Variants in ZBED6 observed in about 807,000 individuals in gnomAD.
The protein encoded by ZBED6 is zinc finger BED-type containing 6, also known as zinc finger BED domain-containing protein 6.
A neutral mutation model predicts 58.4 loss-of-function variants in ZBED6; 40 were observed. The ratio of observed to expected loss-of-function variants is 0.68; its 90% CI spans 0.53 to 0.89. The LOEUF (loss-of-function observed/expected upper bound fraction) is 0.89. Among genes scored for constraint, ZBED6 ranks in the 40% least tolerant of loss-of-function variants. The probability of loss-of-function intolerance (pLI) is 0.00; values close to 1 mark genes in which losing one functional copy is unlikely to be tolerated. For synonymous variants in ZBED6, 439 were observed against 350.6 expected, an observed-to-expected ratio of 1.25 and a Z score of -2.82; for missense variants, 1,057 against 1,003.9, an observed-to-expected ratio of 1.05 and a Z score of -0.71.
exon 1 of ZBED6, chr1:203,802,031 C>A (rs1345770772): frequency 2.0e-5 from 3 of 152,522 alleles, no homozygotes; most frequent in Non-Finnish European, 2.9e-5. Context: ...GGTGTTGATA[C>A]AAAATAAGAA....
chr1:203,796,709 G>C, exon 1 of ZBED6: 1 of 361,422 alleles, frequency 2.8e-6, no homozygotes, highest in Non-Finnish European at 4.9e-6. Context: ...CAACTTGTGA[G>C]TTACTTACAG....
intron 3 of ZBED6, among the ~76,000 whole-genome samples, chr1:203,823,742 C>T (rs1188756774): frequency 6.6e-6 from 1 of 152,148 alleles, no homozygotes; most frequent in Non-Finnish European, 1.5e-5. Flanking sequence ...TAGGTATTTA[C>T]CTGCAAAATA....
intron 1 of ZBED6, chr1:203,806,040 C>G: frequency 1.9e-6 from 1 of 535,712 alleles, no homozygotes; most frequent in Non-Finnish European, 3.6e-6. Flanking sequence ...TGTCCTGCTG[C>G]TGCTCATACA....
At position 203,799,912 on chromosome 1, in the gene ZBED6, A is replaced by C. The variant is rs867176340; in HGVS notation, c.2390A>C (p.Glu797Ala). Residue 797 changes from glutamate (E) to alanine (A), a missense_variant, in exon 1 of 17, where the codon GAA becomes GCA. Transcript: ENST00000550078. ...GAAACTTATAAGCAGTTCCTTGCAG[A>C]AGAGGTCTGTAATTATATGGAATCT... 34 of 1,536,010 alleles carry C rather than the reference A, an allele frequency of 2.2e-5. 1 individual carries two copies. In the African/African-American group the frequency reaches 3.7e-4, roughly 17 times the overall value.
chr1:203,849,750 C>G, exon 14 of ZBED6: 2 of 1,613,898 alleles, frequency 1.2e-6, no homozygotes, highest in Non-Finnish European at 1.7e-6. Context: ...CACTAAAATT[C>G]AAGTCAAGAG....
intron 8 of ZBED6, among the ~76,000 whole-genome samples, 155 bp from the exon 9 acceptor site, chr1:203,833,636 T>TTTTTTTTG (rs59117283): frequency 2.2e-5 from 3 of 134,350 alleles, no homozygotes; most frequent in Non-Finnish European, 4.9e-5. Flanking sequence ...TTTTTTTTTT[T>TTTTTTTTG]GATATAATGG....
chr1:203,821,299 G>A (rs1407020622), intron 3 of ZBED6, among the ~76,000 whole-genome samples: 1 of 152,042 alleles, frequency 6.6e-6, no homozygotes, highest in Non-Finnish European at 1.5e-5. Context: ...GCAGAACTGT[G>A]AGTTAGTTAA....
At chr1:203,798,207 G>T (rs983858035) in exon 1 of ZBED6, 4 of 1,535,990 alleles carry the variant, frequency 2.6e-6, no homozygotes, top group African/African-American at 2.7e-5. Flanking sequence ...TAATAGAATG[G>T]GCAAGAAGCA....
intron 9 of ZBED6, chr1:203,834,196 T>A: frequency 2.0e-6 from 1 of 508,762 alleles, no homozygotes; most frequent in Non-Finnish European, 2.6e-6. Flanking sequence ...TCTCTTAGAA[T>A]ACAGGAATCC....
At chr1:203,839,016 T>C (rs1685256509) in intron 10 of ZBED6, among the ~76,000 whole-genome samples, 1 of 148,576 alleles carries the variant, frequency 6.7e-6, no homozygotes, top group Non-Finnish European at 1.5e-5. Flanking sequence ...CAGGCTCAAA[T>C]GTGCATTTTA....
intron 3 of ZBED6, among the ~76,000 whole-genome samples, chr1:203,820,899 T>G (rs1350707902): frequency 6.6e-6 from 1 of 152,202 alleles, no homozygotes; most frequent in Admixed American, 6.5e-5. Flanking sequence ...ATAAAGGCTT[T>G]CTTTTTGTAA....
intron 13 of ZBED6, 35 bp downstream of exon 13, chr1:203,848,442 G>A (rs747180755): frequency 2.0e-6 from 3 of 1,509,668 alleles, no homozygotes; most frequent in East Asian, 2.3e-5. Context: ...TTTGTTCATG[G>A]CAAACAAAGG....
chr1:203,829,324 A>C, intron 4 of ZBED6, 127 bp from the exon 5 acceptor site: 1 of 944,638 alleles, frequency 1.1e-6, no homozygotes. Flanking sequence ...TTAGAACTTA[A>C]ATGAGGAAAT....
At chr1:203,804,053 A>G (rs1260376503) in intron 1 of ZBED6, among the ~76,000 whole-genome samples, 2 of 151,844 alleles carry the variant, frequency 1.3e-5, no homozygotes, top group African/African-American at 4.8e-5. Context: ...TTTATTCATT[A>G]TCCAGGTCTT....
At chr1:203,829,808 C>CA in exon 6 of ZBED6, 1 of 1,613,948 alleles carries the variant, frequency 6.2e-7, no homozygotes, top group Admixed American at 1.7e-5. Context: ...GTGATGAAAC[C>CA]AAAACACCTA....
At chr1:203,801,782 T>C (rs1670603672) in exon 1 of ZBED6, 1 of 151,640 alleles carries the variant, frequency 6.6e-6, no homozygotes, top group South Asian at 2.1e-4. Flanking sequence ...TAGAACTCAT[T>C]TCTATGTATC....
chr1:203,819,660 G>A (rs1175087656), intron 3 of ZBED6, among the ~76,000 whole-genome samples: 19 of 148,628 alleles, frequency 1.3e-4, no homozygotes, highest in Admixed American at 8.8e-4. Flanking sequence ...TCAGCCTCCC[G>A]AGTAGCTAGA....
chr1:203,833,313 C>T (rs978568752), intron 8 of ZBED6, among the ~76,000 whole-genome samples: 22 of 147,978 alleles, frequency 1.5e-4, no homozygotes, highest in Non-Finnish European at 3.1e-4. Flanking sequence ...TGCAGTGAGC[C>T]GAGATCGGGC....
chr1:203,829,739 G>T, intron 5 of ZBED6, 41 bp from the exon 6 acceptor site: 1 of 1,611,208 alleles, frequency 6.2e-7, no homozygotes, highest in East Asian at 2.2e-5. Flanking sequence ...AGCTATAGGC[G>T]TATTTTTAAT....
Sources: gnomAD v4.1 joint callset for allele counts (sites outside exome capture counted in the v4.1 genomes callset) on GRCh38, gnomAD v4.1.1 for gene constraint, MANE v1.5 for transcripts, NCBI Gene and HGNC (gene_info 2026-07-23, HGNC 2026-07-21) for gene names.